The following ANXA13 variants were observed in gnomAD, a reference collection of about 807,000 sequenced individuals.
ANXA13 encodes the protein annexin XIII.
A neutral mutation model predicts 46.6 loss-of-function variants in ANXA13; 36 were observed. The observed-to-expected ratio is 0.77, with a 90% CI of 0.59 to 1.02. The LOEUF is 1.02. ANXA13 is among the 50% of genes least tolerant of loss of function. ANXA13 has a pLI of 0.00. For missense variants in ANXA13, 417 were observed against 396.5 expected (o/e 1.05, Z -0.44); for synonymous variants, 163 against 152.9 (o/e 1.07, Z -0.49).
At chr8:123,688,172 G>A (rs1404336025) in intron 9 of ANXA13, among the ~76,000 whole-genome samples, 2 of 152,108 alleles carry the variant, frequency 1.3e-5, no homozygotes, top group Non-Finnish European at 2.9e-5. Flanking sequence ...TGTTGTGGGA[G>A]GGACCCAGTG....
chr8:123,736,042 G>A (rs1814259887), intron 1 of ANXA13, among the ~76,000 whole-genome samples: 1 of 152,152 alleles, frequency 6.6e-6, no homozygotes, highest in Non-Finnish European at 1.5e-5. Context: ...TTGAAAAATA[G>A]GCTTCAGTTT....
intron 10 of ANXA13, among the ~76,000 whole-genome samples, chr8:123,683,885 C>A (rs1263185502): frequency 1.3e-5 from 2 of 152,198 alleles, no homozygotes; most frequent in Non-Finnish European, 2.9e-5. Context: ...TTGCACCCGA[C>A]CAGCTGTGAT....
intron 6 of ANXA13, among the ~76,000 whole-genome samples, 153 bp downstream of exon 6, chr8:123,695,349 C>T (rs1180046871): frequency 6.6e-6 from 1 of 152,136 alleles, no homozygotes; most frequent in Non-Finnish European, 1.5e-5. Context: ...TTCACCAGAG[C>T]TGGGCTGATG....
At chr8:123,708,902 T>G (rs908344954) in intron 2 of ANXA13, among the ~76,000 whole-genome samples, 3 of 152,234 alleles carry the variant, frequency 2.0e-5, no homozygotes, top group Non-Finnish European at 2.9e-5. Context: ...TGGCCTTCTC[T>G]GTGTGTCTCT....
intron 1 of ANXA13, among the ~76,000 whole-genome samples, chr8:123,719,927 G>A (rs993025340): frequency 2.0e-5 from 3 of 152,172 alleles, no homozygotes; most frequent in East Asian, 1.9e-4. Flanking sequence ...AGATGCATTC[G>A]TGTTTGGGAT....
intron 1 of ANXA13, among the ~76,000 whole-genome samples, chr8:123,718,767 T>C (rs533097878): frequency 2.0e-5 from 3 of 152,226 alleles, no homozygotes; most frequent in Non-Finnish European, 4.4e-5. Flanking sequence ...ATAAACGAGA[T>C]GCTCTGATCC....
chr8:123,692,542 G>T (rs940145266), intron 8 of ANXA13, among the ~76,000 whole-genome samples: 1 of 152,168 alleles, frequency 6.6e-6, no homozygotes, highest in African/African-American at 2.4e-5. Context: ...TTTATCCTGG[G>T]ATTAAAATAT....
intron 10 of ANXA13, among the ~76,000 whole-genome samples, chr8:123,682,014 C>T (rs1813048459): frequency 6.6e-6 from 1 of 152,166 alleles, no homozygotes; most frequent in Admixed American, 6.5e-5. Context: ...ATGAATTGCC[C>T]TAAGCTAGCA....
chr8:123,706,745 C>T (rs1813547775), intron 2 of ANXA13, among the ~76,000 whole-genome samples: 1 of 152,210 alleles, frequency 6.6e-6, no homozygotes, highest in Admixed American at 6.5e-5. Flanking sequence ...CTCTCAAATG[C>T]AGAATGAGGC....
At chr8:123,726,863 C>T (rs1198539939) in intron 1 of ANXA13, among the ~76,000 whole-genome samples, 1 of 152,182 alleles carries the variant, frequency 6.6e-6, no homozygotes, top group Non-Finnish European at 1.5e-5. Context: ...CAATAGACTA[C>T]TACTCATCCA....
intron 1 of ANXA13, among the ~76,000 whole-genome samples, chr8:123,724,919 G>A (rs868386879): frequency 2.0e-5 from 3 of 152,068 alleles, no homozygotes; most frequent in South Asian, 4.1e-4. Context: ...CTTCTTTCAC[G>A]CTACAATGGC....
chr8:123,692,793 G>A (rs1813264804), intron 8 of ANXA13, among the ~76,000 whole-genome samples: 1 of 152,176 alleles, frequency 6.6e-6, no homozygotes, highest in South Asian at 2.1e-4. Context: ...TTGGTCACTT[G>A]CCAGTGGTAG....
chr8:123,715,963 A>G (rs541328767), intron 1 of ANXA13, among the ~76,000 whole-genome samples: 2 of 152,276 alleles, frequency 1.3e-5, no homozygotes, highest in South Asian at 4.1e-4. Flanking sequence ...AGACCAAAAA[A>G]CCTAGTAAAT....
chr8:123,732,801 GC>G (rs1814149438), intron 1 of ANXA13, among the ~76,000 whole-genome samples: 1 of 152,070 alleles, frequency 6.6e-6, no homozygotes, highest in Non-Finnish European at 1.5e-5. Context: ...TGCATGTCAT[GC>G]TTTGACATCA....
At chr8:123,703,237 G>A (rs1285201843) in intron 2 of ANXA13, among the ~76,000 whole-genome samples, 1 of 152,128 alleles carries the variant, frequency 6.6e-6, no homozygotes, top group African/African-American at 2.4e-5. Context: ...ATTATGCTAA[G>A]TGAAAGAAGT....
chr8:123,688,022 C>CTATCAGGCTGCCTGAAACTGGA (rs1479769632), intron 9 of ANXA13, among the ~76,000 whole-genome samples: 29 of 152,226 alleles, frequency 1.9e-4, no homozygotes, highest in Admixed American at 1.8e-3. Flanking sequence ...AACCTGTGAG[C>CTATCAGGCTGCCTGAAACTGGA]TATCAGGCTG....
intron 2 of ANXA13, chr8:123,712,311 A>G: frequency 4.2e-6 from 1 of 238,194 alleles, no homozygotes; most frequent in Non-Finnish European, 8.4e-6. Context: ...TGGAACTGTG[A>G]GTCCATTAAA....
chr8:123,690,255 T>C lies in ANXA13; in HGVS notation c.643-1309A>G, dbSNP rs1490418164. ...TTTAAAAAATCCTCACATTAAACCG[T>C]TTTCCATTTCTATTGTTAATACCAG... On this transcript the variant is annotated intron_variant, in intron 8 of 10. Transcript: ENST00000419625. The surrounding 1 kb of genome is among the most constrained non-coding windows in gnomAD (Gnocchi z 4.6). Among the ~76,000 whole-genome samples the C allele has an allele frequency of 1.3e-5, 2 of 152,330 alleles. No individual in the cohort carries two copies. Among genetic ancestry groups the C allele is most frequent in the East Asian group, 3.9e-4 (2 of 5,190 alleles).
At chr8:123,698,974 G>A (rs185438776) in intron 3 of ANXA13, among the ~76,000 whole-genome samples, 31 of 152,294 alleles carry the variant, frequency 2.0e-4, no homozygotes, top group Non-Finnish European at 2.9e-4. Flanking sequence ...TAGGACTGGA[G>A]AATTTGTCAT....
Sources: allele counts gnomAD v4.1 joint callset (sites outside exome capture counted in the v4.1 genomes callset), GRCh38; gene constraint gnomAD v4.1.1; non-coding constraint Gnocchi (gnomAD v3.1); transcripts MANE v1.5; gene names NCBI Gene and HGNC (gene_info 2026-07-23, HGNC 2026-07-21).